Variants in RHPN1 observed in about 807,000 individuals in gnomAD.
RHPN1 encodes rhophilin-1.
RHPN1 carries 77 observed loss-of-function variants against 74.7 expected under a neutral mutation model. That is an observed-to-expected ratio of 1.03 (90% CI 0.86 to 1.25). The LOEUF (loss-of-function observed/expected upper bound fraction) is 1.25, where lower values mean the gene tolerates loss of function less well. Among genes scored for constraint, RHPN1 ranks in the 50% most tolerant of loss-of-function variants. The pLI, the probability that RHPN1 is intolerant of heterozygous loss-of-function variation, is 0.00. For synonymous variants in RHPN1, 444 were observed against 414.5 expected, an observed-to-expected ratio of 1.07 and a Z score of -0.87; for missense variants, 987 against 932.2, an observed-to-expected ratio of 1.06 and a Z score of -0.77.
chr8:143,375,866 G>A (rs1014504853), intron 2 of RHPN1, among the ~76,000 whole-genome samples, 198 bp downstream of exon 2: 6 of 152,256 alleles, frequency 3.9e-5, no homozygotes, highest in African/African-American at 1.4e-4. Flanking sequence ...CCTCTGTGCT[G>A]GGCTGGAGGT....
chr8:143,378,313 G>C lies in RHPN1; in HGVS notation c.426G>C (p.Glu142Asp). The change falls in exon 5 of 15, where the codon GAG becomes GAC. Residue 142 changes from glutamate to aspartate, a missense_variant. Physicochemically the swap from Glu to Asp is conservative, Grantham distance 45 (BLOSUM62 2). Transcript: ENST00000289013. ...TTGGAGAGGACGGCGCCTCCTACGAGGCAGAAATCAGGGAGCTGGAGGCCC... is the reference window on the plus strand; with the variant it reads ...TTGGAGAGGACGGCGCCTCCTACGACGCAGAAATCAGGGAGCTGGAGGCCC... ...VHFGEDGASY[E>D]AEIRELEALR... 2 of 1,568,334 alleles carry C rather than the reference G, an allele frequency of 1.3e-6. No homozygotes were observed. The highest frequency in any genetic ancestry group is 2.4e-5 in the South Asian group (2 of 84,886).
Position 143,378,729 on chromosome 8 carries a change from C to CTGG in RHPN1, c.494_496dup (p.Leu165_Glu166insVal). The CTGG allele has an allele frequency of 6.3e-7, 1 of 1,594,832 alleles. No homozygotes were observed. The highest frequency in any genetic ancestry group is 1.1e-5 in the South Asian group (1 of 87,936). On this transcript the variant is annotated inframe_insertion, in exon 6 of 15. Transcript: ENST00000289013. ...GACCCCCAGCCGGAATGAGTCGGGC[C>CTGG]TGGAGCTGCTCACAGCCTATTACAA...
rs141251003 is a variant in RHPN1 at position 143,380,320 on chromosome 8, C to T, written c.1216+145C>T. 126 of 708,094 alleles carry T rather than the reference C, an allele frequency of 1.8e-4. No individual in the cohort carries two copies. In the African/African-American group the frequency reaches 2.0e-3, roughly 11 times the overall value. 43.9% of individuals were successfully genotyped at this position (708,094 alleles called of 1,614,324 possible). On this transcript the variant is annotated intron_variant, in intron 10 of 14. Coordinates refer to ENST00000289013, the MANE Select transcript of RHPN1 (RefSeq NM_052924.3). The stretch of plus-strand genomic sequence containing the variant: ...CCTACCTATCCCTGGATGGCCTGTG[C>T]CTGATGGGTGACGGCCCAGCGCAGG...
intron 14 of RHPN1, 116 bp downstream of exon 14, chr8:143,382,084 C>A (rs6982270): frequency 8.3e-6 from 9 of 1,080,696 alleles, no homozygotes; most frequent in Admixed American, 5.7e-5. Context: ...TGCAGGTAAC[C>A]CTCCCTGGGC....
rs1818769921 is a variant in RHPN1, at chr8:143,381,970, T to C, written c.1797+2T>C. ...CCCAGCTCTAGACTGCCCAGCTTGG[T>C]GAGCCCCTGGGGCCCCAGAGGGGCG... On this transcript the variant is annotated splice_donor_variant, in intron 14 of 14. Transcript: ENST00000289013. LOFTEE classifies it high-confidence loss of function. 6.3e-7 allele frequency: 1 copy of C among 1,582,410 alleles called. No individual in the cohort carries two copies. The highest frequency in any genetic ancestry group is 8.6e-7 in the Non-Finnish European group (1 of 1,163,492).
chr8:143,382,746 T>C lies in RHPN1; in HGVS notation c.*95T>C. The C allele has an allele frequency of 9.2e-7, 1 of 1,081,632 alleles. No individual in the cohort carries two copies. The highest frequency in any genetic ancestry group is 1.3e-6 in the Non-Finnish European group (1 of 756,520). 67.0% of individuals were successfully genotyped at this position (1,081,632 alleles called of 1,614,324 possible). A position where few individuals can be genotyped will look rare whatever the true frequency, so the allele number is the denominator to read the frequency against. On this transcript the variant is annotated 3_prime_UTR_variant, in exon 15 of 15. Coordinates refer to ENST00000289013, the MANE Select transcript of RHPN1 (RefSeq NM_052924.3). ...CCAGAGGACCTCCGGGCAATGCCTG[T>C]CCCGCCTCATGCTGGAGGCTGCCTC...
chr8:143,378,780 T>C lies in RHPN1; in HGVS notation c.544T>C (p.Phe182Leu), dbSNP rs1368785644. The C allele has an allele frequency of 6.4e-7, 1 of 1,570,268 alleles. No homozygotes were observed. Among genetic ancestry groups the C allele is most frequent in the Non-Finnish European group, 8.6e-7 (1 of 1,158,008 alleles). ...CCAGCTGTGCTTCCTGGATGCGCGC[T>C]TCCTCACCCCTGCCAGGAGCCTCGG... is the stretch of plus-strand genomic sequence containing the variant. The part of the protein sequence containing the change: ...YNQLCFLDAR[F>L]LTPARSLGLF... The change falls in exon 6 of 15, where the codon TTC (phenylalanine) becomes CTC (leucine). Residue 182 changes from phenylalanine (F) to leucine (L), a missense_variant. By Grantham distance (22) the Phe-to-Leu change is conservative. Transcript: ENST00000289013.
intron 1 of RHPN1, among the ~76,000 whole-genome samples, chr8:143,369,317 C>G (rs1429482175): frequency 1.3e-5 from 2 of 152,190 alleles, no homozygotes; most frequent in Non-Finnish European, 2.9e-5. Flanking sequence ...TCCTCGTGTC[C>G]CCCTTCTGGG....
chr8:143,366,138 T>TG (rs1817553112), upstream of RHPN1, among the ~76,000 whole-genome samples: 1 of 85,254 alleles, frequency 1.2e-5, no homozygotes. Context: ...GTCTCAATTT[T>TG]TTTTTCTTTA....
At position 143,381,292 on chromosome 8, in the gene RHPN1, C is replaced by T. The variant is rs1303724666; in HGVS notation, c.1436C>T (p.Ala479Val). Residue 479 changes from alanine to valine, a missense_variant, in exon 12 of 15, where the codon GCC becomes GTC. Coordinates refer to ENST00000289013, the MANE Select transcript of RHPN1 (RefSeq NM_052924.3). Reference sequence around the variant, plus strand: ...GCTAAGACCCACCAGAAGCCAGAGGCCAGGATGCCACGCCTGTCCCAGGGG... The same window carrying T: ...GCTAAGACCCACCAGAAGCCAGAGGTCAGGATGCCACGCCTGTCCCAGGGG... Reference protein sequence around the residue: ...IQPKTHQKPEARMPRLSQGKG... With the variant: ...IQPKTHQKPEVRMPRLSQGKG... 1.1e-5 allele frequency: 18 copies of T among 1,612,942 alleles called. No individual in the cohort carries two copies. Among genetic ancestry groups the T allele is most frequent in the Non-Finnish European group, 1.5e-5 (18 of 1,179,658 alleles).
chr8:143,376,805 T>C (rs981657615), intron 3 of RHPN1, among the ~76,000 whole-genome samples, 152 bp downstream of exon 3: 3 of 139,782 alleles, frequency 2.1e-5, no homozygotes, highest in Non-Finnish European at 4.4e-5. Context: ...TGCATGTCTG[T>C]GCGCGTGTGT....
Position 143,377,420 on chromosome 8 carries a change from G to T in RHPN1, c.346G>T (p.Glu116Ter), listed in dbSNP as rs766214098. 3.7e-6 allele frequency: 6 copies of T among 1,613,514 alleles called. No individual in the cohort carries two copies. In the East Asian group the frequency reaches 1.3e-4, roughly 36 times the overall value. Residue 116 changes from glutamate to a stop codon, truncating the protein, a stop_gained, in exon 4 of 15, where the codon GAG (glutamate) becomes TAG (stop). Transcript: ENST00000289013. LOFTEE classifies it high-confidence loss of function. ...CCCCATGATCCCCCTGGGCCTGAAG[G>T]AGACCAAGGAGCTGGACTGGTCTAC... is the stretch of plus-strand genomic sequence containing the variant. ...TVPMIPLGLK[E>*]TKELDWSTPL...
At chr8:143,379,752 G>T in intron 8 of RHPN1, 77 bp from the exon 9 acceptor site, 3 of 1,515,390 alleles carry the variant, frequency 2.0e-6, no homozygotes, top group Non-Finnish European at 2.6e-6. Flanking sequence ...GTCGGAGCAG[G>T]TGGAGGCTGG....
In RHPN1 at chr8:143,380,136, C is replaced by A; in HGVS notation, c.1177C>A (p.Pro393Thr). The A allele has an allele frequency of 6.5e-7, 1 of 1,549,528 alleles. No individual in the cohort carries two copies. The highest frequency in any genetic ancestry group is 2.4e-5 in the East Asian group (1 of 41,058). ...CCCCACCTCCTCTAAGCCCCGAGGC[C>A]CTGTGCTGCCGCAGGAGCTGGAGGA... ...QPPTSSKPRG[P>T]VLPQELEERR... Residue 393 changes from proline (P) to threonine (T), a missense_variant, in exon 10 of 15, where the codon CCT (proline) becomes ACT (threonine). By Grantham distance (38) the Pro-to-Thr change is conservative. Coordinates refer to ENST00000289013, the MANE Select transcript of RHPN1 (RefSeq NM_052924.3).
chr8:143,380,464 G>C, intron 10 of RHPN1, 125 bp from the exon 11 acceptor site: 2 of 881,922 alleles, frequency 2.3e-6, no homozygotes, highest in Non-Finnish European at 1.7e-6. Context: ...TCACCCCCGT[G>C]GCGCGCACCC....
intron 3 of RHPN1, among the ~76,000 whole-genome samples, chr8:143,376,914 G>C (rs1455419322): frequency 6.8e-6 from 1 of 146,428 alleles, no homozygotes. Context: ...GCGTGTGTCT[G>C]TGTGTCTGCA....
chr8:143,379,318 C>T lies in RHPN1; in HGVS notation c.755C>T (p.Ala252Val), dbSNP rs779714604. 1.9e-6 allele frequency: 3 copies of T among 1,587,124 alleles called. No individual in the cohort carries two copies. Among genetic ancestry groups the T allele is most frequent in the Admixed American group, 3.4e-5 (2 of 58,566 alleles). Residue 252 changes from alanine to valine, a missense_variant, in exon 8 of 15, where the codon GCC (alanine) becomes GTC (valine). Ala to Val is a moderately conservative substitution (Grantham distance 64). Coordinates refer to ENST00000289013, the MANE Select transcript of RHPN1 (RefSeq NM_052924.3). ...AMEAFQRAAG[A>V]FSLLRENFSH... ...GTGAGCACCCCTCCCTCCGCAGGGG[C>T]CTTCAGCCTCCTGAGGGAGAACTTC...
chr8:143,378,708 C>G lies in RHPN1; in HGVS notation c.472C>G (p.Pro158Ala). ...TCCTGCCCTGCAGGCCATGCGGACC[C>G]CCAGCCGGAATGAGTCGGGCCTGGA... Reference protein sequence around the residue: ...LEALRQAMRTPSRNESGLELL... With the variant: ...LEALRQAMRTASRNESGLELL... The change falls in exon 6 of 15, where the codon CCC (proline) becomes GCC (alanine). Residue 158 changes from proline to alanine, a missense_variant. Physicochemically the swap from Pro to Ala is conservative, Grantham distance 27. Transcript: ENST00000289013. 1 of 1,596,022 alleles carries G rather than the reference C, an allele frequency of 6.3e-7. No homozygotes were observed.
chr8:143,373,740 G>A lies in RHPN1; in HGVS notation c.61-1813G>A, dbSNP rs1039275631. Among the ~76,000 whole-genome samples, 5 of 151,660 alleles carry A rather than the reference G, an allele frequency of 3.3e-5. No homozygotes were observed. In the South Asian group the frequency reaches 6.2e-4, roughly 19 times the overall value. On this transcript the variant is annotated intron_variant, in intron 1 of 14. Transcript: ENST00000289013. ...GGGGATGGCGTGGGTTCCAGGGGAC[G>A]GTGCCTCATCCTCCAGTCTCTGTCT...
Sources: gnomAD v4.1 joint callset for allele counts (sites outside exome capture counted in the v4.1 genomes callset) on GRCh38, gnomAD v4.1.1 for gene constraint, MANE v1.5 for transcripts, NCBI Gene and HGNC (gene_info 2026-07-23, HGNC 2026-07-21) for gene names.